The following SYNDIG1 variants were observed in gnomAD, a reference collection of about 807,000 sequenced individuals.
SYNDIG1 encodes synapse differentiation inducing 1, also known as synapse differentiation-inducing gene protein 1.
Under a neutral mutation model 19.4 loss-of-function variants are expected in SYNDIG1, and 9 were observed. That is an observed-to-expected ratio of 0.46 (90% CI 0.28 to 0.81). The LOEUF is 0.81. Ranked by LOEUF, SYNDIG1 falls within the 30% of genes least tolerant of loss-of-function variation. SYNDIG1 has a pLI of 0.12. For synonymous variants in SYNDIG1, 141 were observed against 145.9 expected, an observed-to-expected ratio of 0.97 and a Z score of 0.24; for missense variants, 311 against 343.3, an observed-to-expected ratio of 0.91 and a Z score of 0.74.
At chr20:24,527,755 G>C (rs1234574771) in intron 1 of SYNDIG1, among the ~76,000 whole-genome samples, 1 of 152,132 alleles carries the variant, frequency 6.6e-6, no homozygotes, top group African/African-American at 2.4e-5. Context: ...TCAGAGTGTG[G>C]TCCCTGGATC....
chr20:24,510,194 T>C (rs2056707053), intron 1 of SYNDIG1, among the ~76,000 whole-genome samples: 1 of 152,196 alleles, frequency 6.6e-6, no homozygotes, highest in African/African-American at 2.4e-5. Context: ...ATAGCAATGC[T>C]AGAACAGCCT....
At chr20:24,574,560 G>C (rs1177684540) in intron 2 of SYNDIG1, among the ~76,000 whole-genome samples, 1 of 152,114 alleles carries the variant, frequency 6.6e-6, no homozygotes, top group Non-Finnish European at 1.5e-5. Flanking sequence ...TGCCCTCCCA[G>C]GCCACTGAGC....
At chr20:24,595,881 G>A (rs1202708030) in intron 3 of SYNDIG1, among the ~76,000 whole-genome samples, 1 of 151,920 alleles carries the variant, frequency 6.6e-6, no homozygotes, top group East Asian at 1.9e-4. Flanking sequence ...TGTCTATCAA[G>A]CTTATTTATT....
At chr20:24,569,021 G>T (rs1375406337) in intron 2 of SYNDIG1, among the ~76,000 whole-genome samples, 1 of 152,180 alleles carries the variant, frequency 6.6e-6, no homozygotes, top group African/African-American at 2.4e-5. Context: ...TGGGGAAATT[G>T]TCCCACCCTC....
In SYNDIG1 at chr20:24,499,943, A is replaced by G. The variant is rs575824545; in HGVS notation, c.-79+30190A>G. 1.8e-4 allele frequency among the ~76,000 whole-genome samples: 28 copies of G among 152,320 alleles called. No homozygotes were observed. In the South Asian group the frequency reaches 5.8e-3, roughly 32 times the overall value. ...AGTAATTTTCACGATTCTAATGCAAATAGCTACACTGAGAAGTGCCATCAC... is the reference window on the plus strand; with the variant it reads ...AGTAATTTTCACGATTCTAATGCAAGTAGCTACACTGAGAAGTGCCATCAC... On this transcript the variant is annotated intron_variant, in intron 1 of 3. Coordinates refer to ENST00000376862, the MANE Select transcript of SYNDIG1 (RefSeq NM_024893.3).
intron 2 of SYNDIG1, among the ~76,000 whole-genome samples, chr20:24,580,481 G>A (rs1474875436): frequency 6.6e-6 from 1 of 152,136 alleles, no homozygotes; most frequent in Non-Finnish European, 1.5e-5. Flanking sequence ...TGCAATCTTG[G>A]CTCACTGCAA....
chr20:24,644,515 A>T (rs973374255), intron 3 of SYNDIG1, among the ~76,000 whole-genome samples: 1 of 152,208 alleles, frequency 6.6e-6, no homozygotes, highest in African/African-American at 2.4e-5. Flanking sequence ...GCCAGGAATC[A>T]TTGAGGCCTT....
chr20:24,548,621 T>A (rs138685522), intron 2 of SYNDIG1, among the ~76,000 whole-genome samples: 1 of 152,248 alleles, frequency 6.6e-6, no homozygotes, highest in African/African-American at 2.4e-5. Context: ...AACAGCATTT[T>A]GAAAATTATT....
chr20:24,527,960 A>G (rs1600527676), intron 1 of SYNDIG1, among the ~76,000 whole-genome samples: 1 of 152,176 alleles, frequency 6.6e-6, no homozygotes, highest in East Asian at 1.9e-4. Flanking sequence ...CAACTTCTCT[A>G]TCTTGTCTTT....
chr20:24,543,527 C>T lies in SYNDIG1; in HGVS notation c.430C>T (p.His144Tyr), dbSNP rs1189745742. The T allele has an allele frequency of 6.2e-7, 1 of 1,607,614 alleles. No individual in the cohort carries two copies. Among genetic ancestry groups the T allele is most frequent in the Non-Finnish European group, 8.5e-7 (1 of 1,179,976 alleles). The change falls in exon 2 of 4, where the codon CAC becomes TAC. Residue 144 changes from histidine (H) to tyrosine (Y), a missense_variant. His to Tyr is a moderately conservative substitution (Grantham distance 83). Coordinates refer to ENST00000376862, the MANE Select transcript of SYNDIG1 (RefSeq NM_024893.3). ...CCTCTCAGCTGATGACATAAAAATC[C>T]ACACCCTGTCCTACGATGTGGAGGA... ...IDLSADDIKIHTLSYDVEEEE... is the reference protein window; with the variant it reads ...IDLSADDIKIYTLSYDVEEEE...
chr20:24,470,653 C>G (rs117038867), intron 1 of SYNDIG1, among the ~76,000 whole-genome samples: 2,078 of 152,328 alleles, frequency 0.014, 26 homozygotes, highest in Non-Finnish European at 0.022. Context: ...TGTCCCTATG[C>G]GCTTTTTGCA....
intron 2 of SYNDIG1, among the ~76,000 whole-genome samples, chr20:24,545,855 A>G (rs979854495): frequency 2.0e-5 from 3 of 152,236 alleles, no homozygotes; most frequent in Admixed American, 6.5e-5. Context: ...CCTACTCTGT[A>G]TTAATATTTC....
At chr20:24,574,246 G>A (rs574701247) in intron 2 of SYNDIG1, among the ~76,000 whole-genome samples, 1 of 151,962 alleles carries the variant, frequency 6.6e-6, no homozygotes, top group African/African-American at 2.4e-5. Context: ...GGGAGGCCAA[G>A]GTGGGCAGAT....
intron 1 of SYNDIG1, chr20:24,495,914 G>A (rs6114743): frequency 6.6e-6 from 1 of 151,988 alleles, no homozygotes; most frequent in Non-Finnish European, 1.5e-5. Context: ...TCACGATCTC[G>A]GCTCACTGCA....
At chr20:24,491,710 G>A (rs930856917) in intron 1 of SYNDIG1, 4 of 152,244 alleles carry the variant, frequency 2.6e-5, no homozygotes, top group African/African-American at 9.6e-5. Context: ...ACCAGCAAAG[G>A]ACACTAGCTT....
intron 1 of SYNDIG1, among the ~76,000 whole-genome samples, chr20:24,502,001 C>T (rs1438283383): frequency 6.6e-6 from 1 of 152,234 alleles, no homozygotes; most frequent in African/African-American, 2.4e-5. Context: ...ACGAGCAGCC[C>T]TTGGCCAGTG....
At chr20:24,534,882 A>G (rs541932286) in intron 1 of SYNDIG1, among the ~76,000 whole-genome samples, 6 of 151,948 alleles carry the variant, frequency 3.9e-5, no homozygotes, top group Non-Finnish European at 5.9e-5. Context: ...TGAGGGAGGG[A>G]GTTCTGTTTT....
intron 1 of SYNDIG1, among the ~76,000 whole-genome samples, chr20:24,530,232 A>G (rs559455621): frequency 3.3e-5 from 5 of 152,224 alleles, no homozygotes; most frequent in Admixed American, 6.5e-5. Flanking sequence ...TATCTGCTAT[A>G]TATGTCTGAC....
chr20:24,579,539 A>G (rs1176030262), intron 2 of SYNDIG1, among the ~76,000 whole-genome samples: 3 of 152,220 alleles, frequency 2.0e-5, no homozygotes, highest in African/African-American at 7.2e-5. Flanking sequence ...GCACAGTCCA[A>G]TAGGACCTTC....
Sources: allele counts gnomAD v4.1 joint callset (sites outside exome capture counted in the v4.1 genomes callset), GRCh38; gene constraint gnomAD v4.1.1; transcripts MANE v1.5; gene names NCBI Gene and HGNC (gene_info 2026-07-23, HGNC 2026-07-21).